The following CERS3 variants were observed in gnomAD, a reference collection of about 807,000 sequenced individuals.
CERS3 encodes the protein LAG1 homolog, ceramide synthase 3.
CERS3 carries 33 observed loss-of-function variants against 50.3 expected under a neutral mutation model. That is an observed-to-expected ratio of 0.66 (90% CI 0.50 to 0.88). The LOEUF is 0.88. CERS3 is among the 40% of genes least tolerant of loss of function. The pLI, the probability that CERS3 is intolerant of heterozygous loss-of-function variation, is 0.00. For synonymous variants in CERS3, 176 were observed against 155.2 expected, an observed-to-expected ratio of 1.13 and a Z score of -0.99; for missense variants, 470 against 460.3, an observed-to-expected ratio of 1.02 and a Z score of -0.19.
At chr15:100,444,504 C>A (rs868203729) in intron 11 of CERS3, among the ~76,000 whole-genome samples, 1 of 152,074 alleles carries the variant, frequency 6.6e-6, no homozygotes, top group Non-Finnish European at 1.5e-5. Context: ...TTCCACCAGG[C>A]GTAATCGCCA....
intron 11 of CERS3, among the ~76,000 whole-genome samples, chr15:100,429,208 T>C (rs2032987608): frequency 6.6e-6 from 1 of 152,182 alleles, no homozygotes; most frequent in African/African-American, 2.4e-5. Context: ...TTGTCCTCAG[T>C]GAGCTTCTGC....
At chr15:100,415,017 A>C (rs544979160) in intron 11 of CERS3, among the ~76,000 whole-genome samples, 1 of 152,310 alleles carries the variant, frequency 6.6e-6, no homozygotes, top group Non-Finnish European at 1.5e-5. Context: ...AATGGGAGAA[A>C]ATTTTTGCAA....
At chr15:100,502,839 G>A (rs1383217585) in intron 2 of CERS3, among the ~76,000 whole-genome samples, 1 of 151,814 alleles carries the variant, frequency 6.6e-6, no homozygotes, top group East Asian at 1.9e-4. Context: ...GTTGCTGTGG[G>A]AACAAGATGA....
Position 100,411,572 on chromosome 15 carries a change from T to C in CERS3, c.1000-8707A>G, listed in dbSNP as rs116265357. 1.9e-3 allele frequency among the ~76,000 whole-genome samples: 294 copies of C among 152,278 alleles called. 1 individual carries two copies. The highest frequency in any genetic ancestry group is 6.7e-3 in the African/African-American group (280 of 41,546). ...CTGGATTGCTTCTATATTTTAGTGA[T>C]TGTGAATAATGCTGCTACGAATATC... On this transcript the variant is annotated intron_variant, in intron 11 of 11. Transcript: ENST00000679737.
At chr15:100,510,730 T>G (rs1174514889) in intron 2 of CERS3, among the ~76,000 whole-genome samples, 1 of 152,226 alleles carries the variant, frequency 6.6e-6, no homozygotes, top group East Asian at 1.9e-4. Flanking sequence ...GCCTTCCTGA[T>G]AGCTGGAGAT....
chr15:100,440,323 G>C (rs2033622799), intron 11 of CERS3, among the ~76,000 whole-genome samples: 1 of 152,108 alleles, frequency 6.6e-6, no homozygotes, highest in African/African-American at 2.4e-5. Flanking sequence ...CATCCAGATG[G>C]CCTGTTCCTG....
chr15:100,498,707 C>T (rs1182885897), intron 3 of CERS3, among the ~76,000 whole-genome samples: 1 of 152,168 alleles, frequency 6.6e-6, no homozygotes, highest in Non-Finnish European at 1.5e-5. Flanking sequence ...TCCCATATCT[C>T]CCTTTATTTT....
chr15:100,402,775 A>G lies in CERS3; in HGVS notation c.1090T>C (p.Cys364Arg), dbSNP rs1457825017. ...TCAGCCCTGAGGCCGTTCTTTAAAC[A>G]ATCCATCTCTTTGCCTTTGGTAGCC... ...EEATKGKEMD[C>R]LKNGLRAERH... Residue 364 changes from cysteine to arginine, a missense_variant, in exon 12 of 12, where the codon TGT (cysteine) becomes CGT (arginine). Coordinates refer to ENST00000679737, the MANE Select transcript of CERS3 (RefSeq NM_001378789.1). 4.3e-6 allele frequency: 7 copies of G among 1,614,090 alleles called. No homozygotes were observed. The highest frequency in any genetic ancestry group is 1.3e-5 in the African/African-American group (1 of 74,934).
chr15:100,441,801 C>G (rs191442110), intron 11 of CERS3, among the ~76,000 whole-genome samples: 72 of 122,404 alleles, frequency 5.9e-4, no homozygotes, highest in African/African-American at 1.9e-3. Flanking sequence ...ACACATCAGT[C>G]CCCCCCAGTC....
chr15:100,435,070 T>G (rs1421639390), intron 11 of CERS3, among the ~76,000 whole-genome samples: 1 of 152,168 alleles, frequency 6.6e-6, no homozygotes, highest in Non-Finnish European at 1.5e-5. Flanking sequence ...CCCACAGATA[T>G]CAATGCCGTG....
intron 5 of CERS3, among the ~76,000 whole-genome samples, chr15:100,484,026 C>A (rs146446279): frequency 4.3e-4 from 66 of 151,766 alleles, no homozygotes; most frequent in African/African-American, 1.6e-3. Flanking sequence ...TCCTGGGAAA[C>A]CAAGAGGATG....
chr15:100,410,637 C>T (rs770307882), intron 11 of CERS3, among the ~76,000 whole-genome samples: 5 of 152,168 alleles, frequency 3.3e-5, no homozygotes, highest in Non-Finnish European at 5.9e-5. Context: ...TTCTGCTTCT[C>T]CTTTTCTTTT....
intron 1 of CERS3, among the ~76,000 whole-genome samples, chr15:100,522,133 C>A (rs776781575): frequency 4.6e-5 from 7 of 152,192 alleles, no homozygotes; most frequent in Non-Finnish European, 1.0e-4. Flanking sequence ...TAACATTTCT[C>A]AATATGAATT....
intron 11 of CERS3, chr15:100,425,873 TG>T (rs2032780961): frequency 1.3e-5 from 2 of 150,808 alleles, no homozygotes; most frequent in South Asian, 4.3e-4. Context: ...GGGAGGTGAC[TG>T]GATCAAGGGG....
intron 11 of CERS3, among the ~76,000 whole-genome samples, chr15:100,451,411 C>T (rs769853161): frequency 9.9e-5 from 15 of 151,934 alleles, no homozygotes; most frequent in Non-Finnish European, 1.6e-4. Context: ...TGTGAAAACA[C>T]ATATAGACTA....
Position 100,490,797 on chromosome 15 carries a change from A to G in CERS3, c.288+20T>C. On this transcript the variant is annotated intron_variant, in intron 4 of 11. Transcript: ENST00000679737. ...AAGAAAGAAGATTTTTAAGTCGAAA[A>G]GCAAAGAATTTGTACTTACTTGCAA... 1 of 1,466,436 alleles carries G rather than the reference A, an allele frequency of 6.8e-7. No homozygotes were observed. The highest frequency in any genetic ancestry group is 9.5e-7 in the Non-Finnish European group (1 of 1,048,004). 90.8% of individuals were successfully genotyped at this position (1,466,436 alleles called of 1,614,324 possible). A position where few individuals can be genotyped will look rare whatever the true frequency, so the allele number is the denominator to read the frequency against.
At chr15:100,437,752 C>A (rs1219865360) in intron 11 of CERS3, 1 of 152,118 alleles carries the variant, frequency 6.6e-6, no homozygotes, top group Non-Finnish European at 1.5e-5. Context: ...AATGCAGGCA[C>A]TAATATCATG....
chr15:100,529,559 A>G (rs73475788), upstream of CERS3, among the ~76,000 whole-genome samples: 1,308 of 152,372 alleles, frequency 8.6e-3, 23 homozygotes, highest in African/African-American at 0.03. Context: ...AGACAAGCTC[A>G]TTAGTATCAG....
intron 4 of CERS3, among the ~76,000 whole-genome samples, chr15:100,486,301 A>G (rs969497414): frequency 1.3e-5 from 2 of 152,192 alleles, no homozygotes; most frequent in African/African-American, 4.8e-5. Flanking sequence ...GTGTCAAAGC[A>G]ATCGGATATG....
Sources: gnomAD v4.1 joint callset for allele counts (sites outside exome capture counted in the v4.1 genomes callset) on GRCh38, gnomAD v4.1.1 for gene constraint, MANE v1.5 for transcripts, NCBI Gene and HGNC (gene_info 2026-07-23, HGNC 2026-07-21) for gene names.